ZC3H12B: variants seen among roughly 807,000 people sequenced by gnomAD.
ZC3H12B encodes zinc finger CCCH-type containing 12B.
ZC3H12B carries 7 observed loss-of-function variants against 43.9 expected under a neutral mutation model. The observed-to-expected ratio is 0.16, with a 90% CI of 0.09 to 0.30. The LOEUF (loss-of-function observed/expected upper bound fraction) is 0.30. Ranked by LOEUF, ZC3H12B falls within the 10% of genes least tolerant of loss-of-function variation. ZC3H12B has a pLI of 1.00. For missense variants in ZC3H12B, 475 were observed against 670.2 expected, an observed-to-expected ratio of 0.71 and a Z score of 3.22; for synonymous variants, 222 against 241.7, an observed-to-expected ratio of 0.92 and a Z score of 0.76.
intron 3 of ZC3H12B, among the ~76,000 whole-genome samples, chrX:65,410,819 G>A (rs1003036545): frequency 3.6e-5 from 4 of 112,159 alleles, no homozygotes; most frequent in Admixed American, 9.4e-5. Flanking sequence ...AAGTGCTGAC[G>A]AGGATGTAGA....
chrX:65,207,641 G>C, the ZC3H12B span, among the ~76,000 whole-genome samples: 2 of 106,561 alleles, frequency 1.9e-5, no homozygotes, highest in Admixed American at 2.1e-4. Context: ...TTTGGCTTAG[G>C]ATTGACTTGG....
the ZC3H12B span, among the ~76,000 whole-genome samples, chrX:65,152,974 C>G: frequency 8.9e-6 from 1 of 111,738 alleles, no homozygotes; most frequent in Non-Finnish European, 1.9e-5. Context: ...GAAACACAAG[C>G]AATGGGGAAA....
the ZC3H12B span, among the ~76,000 whole-genome samples, chrX:65,115,536 C>T: frequency 1.8e-5 from 2 of 111,159 alleles, no homozygotes; most frequent in Non-Finnish European, 3.8e-5. Flanking sequence ...GTATCTTTTT[C>T]GTATAATGCC....
the ZC3H12B span, among the ~76,000 whole-genome samples, chrX:65,147,870 G>T: frequency 2.8e-4 from 31 of 110,620 alleles, no homozygotes; most frequent in Admixed American, 5.7e-4. Context: ...CTGGCCTTGA[G>T]CATGGGGCTA....
chrX:65,267,887 C>A, the ZC3H12B span, among the ~76,000 whole-genome samples: 1 of 110,859 alleles, frequency 9.0e-6, no homozygotes, highest in Admixed American at 9.6e-5. Context: ...ACAAACTAAA[C>A]CTAAAGTTAG....
At chrX:65,393,971 T>C (rs1214593527) in intron 2 of ZC3H12B, among the ~76,000 whole-genome samples, 1 of 112,712 alleles carries the variant, frequency 8.9e-6, no homozygotes. Context: ...CTTTTTTTCA[T>C]ATGCTTGTTG....
At chrX:65,108,547 G>A in the ZC3H12B span, among the ~76,000 whole-genome samples, 2 of 108,889 alleles carry the variant, frequency 1.8e-5, no homozygotes, top group Non-Finnish European at 3.8e-5. Context: ...CTTCAGGGGC[G>A]ATAACATGCA....
chrX:65,147,663 G>C, the ZC3H12B span, among the ~76,000 whole-genome samples: 1 of 111,466 alleles, frequency 9.0e-6, no homozygotes, highest in Non-Finnish European at 1.9e-5. Flanking sequence ...GCTGGGTTTT[G>C]TGTCTGTGGG....
the ZC3H12B span, among the ~76,000 whole-genome samples, chrX:65,355,660 C>T: frequency 9.0e-6 from 1 of 111,687 alleles, no homozygotes; most frequent in Non-Finnish European, 1.9e-5. Flanking sequence ...ACATTTAAGT[C>T]ATAAAGTTTT....
At chrX:65,464,398 G>T (rs2067791599) in intron 3 of ZC3H12B, among the ~76,000 whole-genome samples, 1 of 109,899 alleles carries the variant, frequency 9.1e-6, no homozygotes, top group African/African-American at 3.4e-5. Context: ...TTATATAATT[G>T]GTTGGAATAC....
chrX:65,144,232 A>G, the ZC3H12B span, among the ~76,000 whole-genome samples: 1 of 111,308 alleles, frequency 9.0e-6, no homozygotes, highest in Non-Finnish European at 1.9e-5. Context: ...GCTAGGATTT[A>G]TCCATCTCTT....
At chrX:65,287,154 A>T in the ZC3H12B span, among the ~76,000 whole-genome samples, 1 of 111,194 alleles carries the variant, frequency 9.0e-6, no homozygotes, top group Non-Finnish European at 1.9e-5. Flanking sequence ...TAAGAAAAAA[A>T]TCAGATTTAA....
At chrX:65,173,913 A>T in the ZC3H12B span, among the ~76,000 whole-genome samples, 1 of 110,262 alleles carries the variant, frequency 9.1e-6, no homozygotes, top group Non-Finnish European at 1.9e-5. Context: ...TGACCTTTGG[A>T]TGGGGTTCTT....
the ZC3H12B span, among the ~76,000 whole-genome samples, chrX:65,171,752 T>C: frequency 1.8e-5 from 2 of 110,702 alleles, no homozygotes; most frequent in African/African-American, 3.3e-5. Context: ...TGGACGCCCC[T>C]CCCCCAGTCT....
the ZC3H12B span, among the ~76,000 whole-genome samples, chrX:65,038,446 A>G: frequency 1.1e-4 from 12 of 111,738 alleles, no homozygotes; most frequent in African/African-American, 2.9e-4. Context: ...GCAAATAGCT[A>G]TGATTATTGC....
chrX:65,164,988 G>A, the ZC3H12B span, among the ~76,000 whole-genome samples: 4 of 111,616 alleles, frequency 3.6e-5, no homozygotes, highest in Non-Finnish European at 7.5e-5. Context: ...AGTTGGGGAG[G>A]GAGATGAGAA....
At chrX:65,461,387 T>C (rs1448234787) in intron 3 of ZC3H12B, among the ~76,000 whole-genome samples, 2 of 112,248 alleles carry the variant, frequency 1.8e-5, no homozygotes, top group Non-Finnish European at 3.8e-5. Context: ...CATGCTGCTA[T>C]AAAACCCATG....
At chrX:65,089,141 T>A in the ZC3H12B span, among the ~76,000 whole-genome samples, 1 of 111,675 alleles carries the variant, frequency 9.0e-6, no homozygotes, top group African/African-American at 3.3e-5. Context: ...AACAAGCTAC[T>A]GTCTTGTGTT....
At chrX:65,363,124 C>T (rs919223863), upstream of ZC3H12B, among the ~76,000 whole-genome samples, 4 of 111,284 alleles carry the variant, frequency 3.6e-5, no homozygotes, top group South Asian at 1.5e-3. Context: ...AGCTCTTTCT[C>T]GTGATTTACT....
Sources: allele counts gnomAD v4.1 joint callset (sites outside exome capture counted in the v4.1 genomes callset), GRCh38; gene constraint gnomAD v4.1.1; transcripts MANE v1.5; gene names NCBI Gene and HGNC (gene_info 2026-07-23, HGNC 2026-07-21).